Variants in LOC400499 observed in about 807,000 individuals in gnomAD.
At chr16:11,411,626 G>A in the LOC400499 span, among the ~76,000 whole-genome samples, 2 of 152,054 alleles carry the variant, frequency 1.3e-5, no homozygotes, top group African/African-American at 2.4e-5. Flanking sequence ...AGCTTCCCCT[G>A]AGCCTCAGTT....
At chr16:11,435,276 C>T in the LOC400499 span, among the ~76,000 whole-genome samples, 4 of 151,968 alleles carry the variant, frequency 2.6e-5, no homozygotes, top group Non-Finnish European at 5.9e-5. Context: ...CCACACCTGG[C>T]TAATTTTTTT....
the LOC400499 span, chr16:11,446,840 G>A: frequency 6.5e-7 from 1 of 1,536,090 alleles, no homozygotes; most frequent in Non-Finnish European, 8.7e-7. Flanking sequence ...GAATAGCGCT[G>A]GTGTCGCCTA....
the LOC400499 span, chr16:11,402,112 G>A: frequency 1.9e-4 from 77 of 399,038 alleles, no homozygotes; most frequent in African/African-American, 7.8e-4. Flanking sequence ...ACAGGCGGAG[G>A]CTGCAGTGTC....
chr16:11,431,782 C>G, the LOC400499 span, among the ~76,000 whole-genome samples: 2 of 152,200 alleles, frequency 1.3e-5, no homozygotes, highest in Admixed American at 6.5e-5. Flanking sequence ...ATGGCCAGCT[C>G]TTCCCATACT....
the LOC400499 span, among the ~76,000 whole-genome samples, chr16:11,418,105 G>C: frequency 6.6e-6 from 1 of 152,224 alleles, no homozygotes; most frequent in Non-Finnish European, 1.5e-5. Flanking sequence ...GCCTGGGGAA[G>C]ATGGCTGGAG....
At chr16:11,414,917 C>T in the LOC400499 span, among the ~76,000 whole-genome samples, 1 of 152,188 alleles carries the variant, frequency 6.6e-6, no homozygotes, top group African/African-American at 2.4e-5. Context: ...GTTCCTGCTC[C>T]CCAAACTCTC....
the LOC400499 span, among the ~76,000 whole-genome samples, chr16:11,448,606 A>G: frequency 3.3e-5 from 5 of 152,194 alleles, no homozygotes; most frequent in Admixed American, 1.3e-4. Flanking sequence ...ATGTGCCTAT[A>G]GTTCTAACTA....
At chr16:11,450,400 G>C in the LOC400499 span, among the ~76,000 whole-genome samples, 1 of 152,212 alleles carries the variant, frequency 6.6e-6, no homozygotes, top group African/African-American at 2.4e-5. Flanking sequence ...GCAGGGATGT[G>C]GGAAATCTAG....
At chr16:11,452,207 T>C in the LOC400499 span, among the ~76,000 whole-genome samples, 4 of 79,608 alleles carry the variant, frequency 5.0e-5, no homozygotes, top group Non-Finnish European at 1.2e-4. Flanking sequence ...TTTTGTTTGT[T>C]TTTTTTTTTT....
the LOC400499 span, chr16:11,385,514 T>TTGGCTTAGCC: frequency 4.6e-6 from 4 of 862,848 alleles, no homozygotes; most frequent in Non-Finnish European, 6.1e-6. Context: ...GCCTAGAGCT[T>TTGGCTTAGCC]TGGCTTAGCC....
At chr16:11,382,549 CATTTGGTCACAGAAGTCATCTGCTG>C in the LOC400499 span, among the ~76,000 whole-genome samples, 1,208 of 152,328 alleles carry the variant, frequency 7.9e-3, 12 homozygotes, top group African/African-American at 0.028. Flanking sequence ...GAACAACACA[CATTTGGTCACAGAAGTCATCTGCTG>C]TGTTGATGAT....
At chr16:11,524,360 A>ACCCACTCCCC in the LOC400499 span, among the ~76,000 whole-genome samples, 21 of 58,620 alleles carry the variant, frequency 3.6e-4, 2 homozygotes, top group African/African-American at 2.3e-3. Context: ...CCATCCACCC[A>ACCCACTCCCC]GCCACCCACC....
chr16:11,444,387 G>T, the LOC400499 span, among the ~76,000 whole-genome samples: 8 of 152,152 alleles, frequency 5.3e-5, no homozygotes, highest in Non-Finnish European at 1.2e-4. Context: ...GGGTGACAGA[G>T]CAAGACCCTG....
chr16:11,450,911 C>T, the LOC400499 span: 101 of 1,143,386 alleles, frequency 8.8e-5, 1 homozygote, highest in South Asian at 1.2e-4. Flanking sequence ...TCATCACAGC[C>T]GCAATGGACA....
At chr16:11,381,925 C>T in the LOC400499 span, among the ~76,000 whole-genome samples, 1 of 150,530 alleles carries the variant, frequency 6.6e-6, no homozygotes, top group African/African-American at 2.4e-5. Flanking sequence ...CTAAAGGGTC[C>T]TGTGTCTGTT....
chr16:11,417,210 C>T, the LOC400499 span, among the ~76,000 whole-genome samples: 1 of 151,900 alleles, frequency 6.6e-6, no homozygotes, highest in African/African-American at 2.4e-5. Flanking sequence ...TCAAGTCGGA[C>T]GGGCCCTCAA....
chr16:11,517,503 C>T, the LOC400499 span, among the ~76,000 whole-genome samples: 4 of 152,138 alleles, frequency 2.6e-5, no homozygotes, highest in Non-Finnish European at 5.9e-5. Context: ...GAAACAGGCT[C>T]GGAGCAATGT....
chr16:11,486,641 G>GGGT, the LOC400499 span, among the ~76,000 whole-genome samples: 1 of 100 alleles, frequency 0.01, no homozygotes, highest in Non-Finnish European at 0.017. Flanking sequence ...GGTGGTGGGT[G>GGGT]GGTTGGATGA....
the LOC400499 span, among the ~76,000 whole-genome samples, chr16:11,463,746 T>C: frequency 4.0e-4 from 61 of 152,144 alleles, no homozygotes; most frequent in Non-Finnish European, 7.5e-4. Flanking sequence ...TATGTATATA[T>C]ATGGATGTGT....
Sources: gnomAD v4.1 joint callset for allele counts (sites outside exome capture counted in the v4.1 genomes callset) on GRCh38, gnomAD v4.1.1 for gene constraint, MANE v1.5 for transcripts.